Variants in KLHL18 observed in about 807,000 individuals in gnomAD.
KLHL18 encodes kelch like family member 18.
A neutral mutation model predicts 58.5 loss-of-function variants in KLHL18; 38 were observed. That is an observed-to-expected ratio of 0.65 (90% CI 0.50 to 0.85). The LOEUF is 0.85. KLHL18 is among the 40% of genes least tolerant of loss of function. The pLI, the probability that KLHL18 is intolerant of heterozygous loss-of-function variation, is 0.00. For synonymous variants in KLHL18, 303 were observed against 301.9 expected (o/e 1.00, Z -0.04); for missense variants, 624 against 778.4 (o/e 0.80, Z 2.36).
At chr3:47,283,267 T>C (rs1395763445) in intron 1 of KLHL18, 173 bp downstream of exon 1, 19 of 563,580 alleles carry the variant, frequency 3.4e-5, no homozygotes, top group Non-Finnish European at 5.4e-5. Flanking sequence ...CGGGGCCGAG[T>C]GGGGAGAGGA....
intron 1 of KLHL18, 25 bp downstream of exon 1, chr3:47,283,119 G>C (rs943943929): frequency 6.4e-7 from 1 of 1,558,060 alleles, no homozygotes; most frequent in Admixed American, 1.9e-5. Context: ...GCGGCAGCGG[G>C]CTGAGGGAAA....
chr3:47,333,038 A>G, intron 4 of KLHL18, 119 bp from the exon 5 acceptor site: 5 of 996,292 alleles, frequency 5.0e-6, no homozygotes, highest in Non-Finnish European at 7.4e-6. Flanking sequence ...AGTAGGAGAA[A>G]AGATTGATGG....
At chr3:47,308,885 G>T (rs1054115509) in intron 1 of KLHL18, among the ~76,000 whole-genome samples, 3 of 152,010 alleles carry the variant, frequency 2.0e-5, no homozygotes, top group Non-Finnish European at 4.4e-5. Context: ...GTGAACAAAG[G>T]TCTCTGGTTT....
Position 47,300,120 on chromosome 3 carries a change from G to A in KLHL18, c.129+17026G>A, listed in dbSNP as rs147439719. On this transcript the variant is annotated intron_variant, in intron 1 of 9. Transcript: ENST00000232766. Reference sequence around the variant, plus strand: ...CTTCTCCATTCCCTTCTTCCCTCCCGCTGTCTTCCCCTTTTCCCTTCTCTC... The same window carrying A: ...CTTCTCCATTCCCTTCTTCCCTCCCACTGTCTTCCCCTTTTCCCTTCTCTC... Among the ~76,000 whole-genome samples the A allele has an allele frequency of 6.0e-3, 888 of 147,076 alleles. 4 individuals are homozygous for A. Among genetic ancestry groups the A allele is most frequent in the East Asian group, 0.019 (95 of 5,012 alleles).
intron 2 of KLHL18, among the ~76,000 whole-genome samples, chr3:47,320,492 T>C (rs1703560338): frequency 6.6e-6 from 1 of 152,110 alleles, no homozygotes; most frequent in Non-Finnish European, 1.5e-5. Context: ...TGGTAGTCAG[T>C]TATTGCCCAA....
Position 47,307,352 on chromosome 3 carries a change from C to T in KLHL18, c.130-12301C>T, listed in dbSNP as rs750109480. Among the ~76,000 whole-genome samples the T allele has an allele frequency of 5.3e-5, 8 of 152,058 alleles. No individual in the cohort carries two copies. The East Asian group carries it at 5.8e-4, about 11-fold the overall frequency. Reference sequence around the variant, plus strand: ...CCTCCCAAAGTGCTCGGATTACAGGCGTGAGCCACCACACCTGGCCTGGAC... The same window carrying T: ...CCTCCCAAAGTGCTCGGATTACAGGTGTGAGCCACCACACCTGGCCTGGAC... On this transcript the variant is annotated intron_variant, in intron 1 of 9. Transcript: ENST00000232766.
At chr3:47,294,188 CAG>C (rs1438671431) in intron 1 of KLHL18, among the ~76,000 whole-genome samples, 1 of 152,146 alleles carries the variant, frequency 6.6e-6, no homozygotes, top group East Asian at 1.9e-4. Flanking sequence ...GAGCTACTAA[CAG>C]ATTGTTTTTC....
intron 1 of KLHL18, among the ~76,000 whole-genome samples, chr3:47,315,688 C>A (rs1024036712): frequency 2.6e-5 from 4 of 152,194 alleles, no homozygotes; most frequent in Non-Finnish European, 5.9e-5. Context: ...AGCCTACCCC[C>A]TAGCCAAGTG....
chr3:47,309,437 G>A (rs367709526), intron 1 of KLHL18, among the ~76,000 whole-genome samples: 12 of 149,990 alleles, frequency 8.0e-5, no homozygotes, highest in Admixed American at 4.6e-4. Context: ...GGGCAGAGGC[G>A]CTCCTCACAT....
intron 2 of KLHL18, among the ~76,000 whole-genome samples, chr3:47,322,250 A>G (rs1219041476): frequency 6.6e-6 from 1 of 152,246 alleles, no homozygotes; most frequent in Non-Finnish European, 1.5e-5. Context: ...GAAAGGCTTG[A>G]TAAGTATTTT....
chr3:47,323,893 A>G (rs1032505226), intron 3 of KLHL18, among the ~76,000 whole-genome samples: 1 of 152,150 alleles, frequency 6.6e-6, no homozygotes, highest in Non-Finnish European at 1.5e-5. Flanking sequence ...TTAGCAGCTT[A>G]TGGACCACAC....
chr3:47,344,231 G>C lies in KLHL18; in HGVS notation c.*290G>C. 2.2e-6 allele frequency: 1 copy of C among 444,766 alleles called. No homozygotes were observed. The highest frequency in any genetic ancestry group is 3.0e-5 in the South Asian group (1 of 33,632). The allele number at this position is 444,766 out of a possible 1,614,324, so 27.6% of individuals were successfully genotyped here. A position where few individuals can be genotyped will look rare whatever the true frequency, so the allele number is the denominator to read the frequency against. ...TGAACACAGGCTCCATCCAGGCCCA[G>C]CTCCTACCCACCGCCTCTCTGTGGG... On this transcript the variant is annotated 3_prime_UTR_variant, in exon 10 of 10. Transcript: ENST00000232766.
At chr3:47,291,824 G>T (rs1485813516) in intron 1 of KLHL18, among the ~76,000 whole-genome samples, 1 of 152,224 alleles carries the variant, frequency 6.6e-6, no homozygotes, top group Non-Finnish European at 1.5e-5. Flanking sequence ...CTTACTACAG[G>T]TGATCATGGG....
intron 3 of KLHL18, among the ~76,000 whole-genome samples, chr3:47,323,947 C>T (rs921037995): frequency 6.6e-6 from 1 of 152,220 alleles, no homozygotes. Flanking sequence ...TCATGGTCAT[C>T]ACACTGAGTA....
rs1212284447 is a variant in KLHL18, at chr3:47,344,153, C to T, written c.*212C>T. On this transcript the variant is annotated 3_prime_UTR_variant, in exon 10 of 10. Transcript: ENST00000232766. ...TCATCAAGATGCACAGCATGGAACACAAGCTCCTCTGGATCCTGCAGCTGG... is the reference window on the plus strand; with the variant it reads ...TCATCAAGATGCACAGCATGGAACATAAGCTCCTCTGGATCCTGCAGCTGG... The T allele has an allele frequency of 3.4e-6, 2 of 592,090 alleles. No homozygotes were observed. The highest frequency in any genetic ancestry group is 1.9e-5 in the African/African-American group (1 of 53,484). The allele number at this position is 592,090 out of a possible 1,614,324, so 36.7% of individuals were successfully genotyped here.
chr3:47,331,209 C>T (rs1703850762), intron 4 of KLHL18, among the ~76,000 whole-genome samples: 2 of 152,074 alleles, frequency 1.3e-5, no homozygotes, highest in South Asian at 4.1e-4. Flanking sequence ...CTCACTGCAC[C>T]TCTGCCTCCC....
In KLHL18 at chr3:47,334,624, C is replaced by A; in HGVS notation, c.762-59C>A. The stretch of plus-strand genomic sequence containing the variant: ...CAGTGGAGAGCCAGGCTCAGAGATG[C>A]AAACGAGGACTAAGTCAGGGGGATA... On this transcript the variant is annotated intron_variant, in intron 5 of 9. Coordinates refer to ENST00000232766, the MANE Select transcript of KLHL18 (RefSeq NM_025010.5). This position sits in a 1 kb window ranked among gnomAD's most constrained non-coding sequence, Gnocchi z 4.7. 6.3e-7 allele frequency: 1 copy of A among 1,589,480 alleles called. No homozygotes were observed. Among genetic ancestry groups the A allele is most frequent in the South Asian group, 1.1e-5 (1 of 89,236 alleles).
intron 1 of KLHL18, among the ~76,000 whole-genome samples, chr3:47,309,174 A>G (rs531528630): frequency 1.3e-5 from 2 of 152,332 alleles, no homozygotes; most frequent in South Asian, 2.1e-4. Context: ...ACTTCTTTCT[A>G]CACAGACACA....
intron 8 of KLHL18, among the ~76,000 whole-genome samples, chr3:47,341,636 A>G (rs1051515290): frequency 6.6e-6 from 1 of 152,340 alleles, no homozygotes; most frequent in Admixed American, 6.5e-5. Flanking sequence ...GAAAGTGTTC[A>G]CTGTAATCGA....
Sources: allele counts gnomAD v4.1 joint callset (sites outside exome capture counted in the v4.1 genomes callset), GRCh38; gene constraint gnomAD v4.1.1; non-coding constraint Gnocchi (gnomAD v3.1); transcripts MANE v1.5; gene names NCBI Gene and HGNC (gene_info 2026-07-23, HGNC 2026-07-21).